Variants in FSHR observed in about 807,000 individuals in gnomAD.
The protein encoded by FSHR is follicle stimulating hormone receptor.
Under a neutral mutation model 52.1 loss-of-function variants are expected in FSHR, and 46 were observed. The ratio of observed to expected loss-of-function variants is 0.88; its 90% CI spans 0.70 to 1.13. The LOEUF is 1.13. Ranked by LOEUF, FSHR falls within the 50% of genes most tolerant of loss-of-function variation. The pLI is 0.00. For missense variants in FSHR, 964 were observed against 834.6 expected, an observed-to-expected ratio of 1.16 and a Z score of -1.91; for synonymous variants, 399 against 309.6, an observed-to-expected ratio of 1.29 and a Z score of -3.03.
chr2:49,015,262 A>C (rs1667442314), intron 4 of FSHR, among the ~76,000 whole-genome samples: 1 of 152,140 alleles, frequency 6.6e-6, no homozygotes, highest in Admixed American at 6.5e-5. Flanking sequence ...TTAAATGCAA[A>C]GGCATGCTCC....
At chr2:49,042,426 C>T (rs921027467) in intron 2 of FSHR, among the ~76,000 whole-genome samples, 8 of 152,138 alleles carry the variant, frequency 5.3e-5, no homozygotes, top group South Asian at 2.1e-4. Context: ...AAAACAGGAT[C>T]ATCAGGGCAA....
intron 4 of FSHR, among the ~76,000 whole-genome samples, chr2:49,013,135 C>A (rs1483184390): frequency 4.0e-5 from 6 of 151,526 alleles, no homozygotes; most frequent in Admixed American, 2.0e-4. Flanking sequence ...CCCCCACCCC[C>A]ACTTTCTCAC....
At chr2:49,034,595 AT>A (rs1668217245) in intron 2 of FSHR, among the ~76,000 whole-genome samples, 2 of 152,238 alleles carry the variant, frequency 1.3e-5, no homozygotes, top group Non-Finnish European at 2.9e-5. Flanking sequence ...TAAAGATTAA[AT>A]TATGTCTGTG....
At chr2:49,039,608 A>C (rs17038105) in intron 2 of FSHR, among the ~76,000 whole-genome samples, 20,226 of 152,132 alleles carry the variant, frequency 0.13, 2,617 homozygotes, top group African/African-American at 0.3. Context: ...TTCCTTGCAG[A>C]CTTCTACTTT....
At chr2:49,043,238 C>A (rs1442010923) in intron 2 of FSHR, among the ~76,000 whole-genome samples, 2 of 152,032 alleles carry the variant, frequency 1.3e-5, no homozygotes, top group Non-Finnish European at 2.9e-5. Context: ...ACTAAACTAT[C>A]CCAGGTGTGG....
In FSHR at chr2:49,154,307, C is replaced by G; in HGVS notation, c.111G>C (p.Val37=). The G allele has an allele frequency of 6.2e-7, 1 of 1,613,916 alleles. No individual in the cohort carries two copies. Among genetic ancestry groups the G allele is most frequent in the Non-Finnish European group, 8.5e-7 (1 of 1,179,928 alleles). The change falls in exon 1 of 10, where the codon GTG becomes GTC. Residue 37 remains valine, a synonymous_variant. Coordinates refer to ENST00000406846, the MANE Select transcript of FSHR (RefSeq NM_000145.4). ...NRVFLCQESK[V]TEIPSDLPRN... The stretch of plus-strand genomic sequence containing the variant: ...TCGGGAGGTCAGAAGGAATCTCTGT[C>G]ACCTTGCTCTCTTGGCAGAGAAAAA...
At chr2:49,090,366 C>G (rs1327626032) in intron 1 of FSHR, among the ~76,000 whole-genome samples, 1 of 152,160 alleles carries the variant, frequency 6.6e-6, no homozygotes, top group Non-Finnish European at 1.5e-5. Flanking sequence ...TAAATGCTAT[C>G]ATACAGTATA....
At chr2:49,030,924 G>C (rs771685294) in intron 2 of FSHR, among the ~76,000 whole-genome samples, 1 of 152,146 alleles carries the variant, frequency 6.6e-6, no homozygotes, top group Non-Finnish European at 1.5e-5. Flanking sequence ...GTTTTTAAAT[G>C]CTTCCTATTT....
At chr2:49,152,922 A>G (rs987363041) in intron 1 of FSHR, among the ~76,000 whole-genome samples, 5 of 152,226 alleles carry the variant, frequency 3.3e-5, no homozygotes, top group African/African-American at 1.2e-4. Flanking sequence ...CTGTGCTTAT[A>G]TTTACCTAAT....
At chr2:49,001,004 G>A (rs558936392) in intron 4 of FSHR, among the ~76,000 whole-genome samples, 1 of 152,170 alleles carries the variant, frequency 6.6e-6, no homozygotes, top group East Asian at 1.9e-4. Context: ...ACCTGACAAA[G>A]GTATTTCATA....
chr2:48,970,578 C>G (rs1279956980), intron 8 of FSHR, among the ~76,000 whole-genome samples: 7 of 152,164 alleles, frequency 4.6e-5, no homozygotes, highest in Non-Finnish European at 8.8e-5. Context: ...CCCCTTCTGA[C>G]TATACCCAAT....
intron 1 of FSHR, among the ~76,000 whole-genome samples, chr2:49,074,686 G>A (rs908849219): frequency 6.6e-6 from 1 of 150,574 alleles, no homozygotes; most frequent in Non-Finnish European, 1.5e-5. Flanking sequence ...TATCCCAAAG[G>A]AAAGGAAATT....
chr2:48,987,393 A>G (rs912555529), intron 6 of FSHR, among the ~76,000 whole-genome samples: 5 of 151,442 alleles, frequency 3.3e-5, no homozygotes, highest in Non-Finnish European at 7.4e-5. Context: ...ATATATTTTT[A>G]GTAGAGACGG....
intron 1 of FSHR, among the ~76,000 whole-genome samples, chr2:49,085,840 C>A (rs1205915878): frequency 6.6e-6 from 1 of 151,972 alleles, no homozygotes. Flanking sequence ...TGGAAACCAT[C>A]ATTCTCAGCA....
At chr2:49,071,037 A>G (rs920682284) in intron 1 of FSHR, among the ~76,000 whole-genome samples, 2 of 152,270 alleles carry the variant, frequency 1.3e-5, no homozygotes, top group Admixed American at 6.5e-5. Flanking sequence ...TAAGGGATTT[A>G]CATTTTGGTA....
intron 2 of FSHR, among the ~76,000 whole-genome samples, chr2:49,034,369 G>T (rs1668207857): frequency 2.0e-5 from 3 of 152,150 alleles, no homozygotes; most frequent in Admixed American, 2.0e-4. Context: ...CAAAGAATGT[G>T]GTTAACTTCC....
At chr2:48,987,260 G>C (rs193215394) in intron 6 of FSHR, among the ~76,000 whole-genome samples, 1 of 152,222 alleles carries the variant, frequency 6.6e-6, no homozygotes, top group Admixed American at 6.5e-5. Flanking sequence ...CTGGAGTGCA[G>C]TGGTGCAATC....
At chr2:49,106,679 T>C (rs1572752712) in intron 1 of FSHR, among the ~76,000 whole-genome samples, 1 of 152,200 alleles carries the variant, frequency 6.6e-6, no homozygotes, top group Admixed American at 6.5e-5. Context: ...TCACTGGCTG[T>C]TACCTACATT....
At chr2:49,129,461 G>A (rs1443827222) in intron 1 of FSHR, among the ~76,000 whole-genome samples, 2 of 152,176 alleles carry the variant, frequency 1.3e-5, no homozygotes, top group Non-Finnish European at 2.9e-5. Context: ...GATTCTGATA[G>A]GATGATAAGT....
Sources: gnomAD v4.1 joint callset for allele counts (sites outside exome capture counted in the v4.1 genomes callset) on GRCh38, gnomAD v4.1.1 for gene constraint, MANE v1.5 for transcripts, NCBI Gene and HGNC (gene_info 2026-07-23, HGNC 2026-07-21) for gene names.